Variants in CDKAL1 observed in about 807,000 individuals in gnomAD.
CDKAL1 encodes CDKAL1 threonylcarbamoyladenosine tRNA methylthiotransferase.
Under a neutral mutation model 68.2 loss-of-function variants are expected in CDKAL1, and 32 were observed. The ratio of observed to expected loss-of-function variants is 0.47; its 90% confidence interval spans 0.35 to 0.63. The LOEUF is 0.63. Among genes scored for constraint, CDKAL1 ranks in the 30% least tolerant of loss-of-function variants. The probability of loss-of-function intolerance (pLI) is 0.00; values close to 1 mark genes in which losing one functional copy is unlikely to be tolerated. For synonymous variants in CDKAL1, 234 were observed against 244.3 expected, an observed-to-expected ratio of 0.96 and a Z score of 0.39; for missense variants, 606 against 696.7, an observed-to-expected ratio of 0.87 and a Z score of 1.47.
intron 5 of CDKAL1, among the ~76,000 whole-genome samples, chr6:20,688,995 A>G (rs1562027352): frequency 6.6e-6 from 1 of 152,198 alleles, no homozygotes; most frequent in Non-Finnish European, 1.5e-5. Flanking sequence ...TCTCCCCTTC[A>G]GGAGGGACTA....
At chr6:20,902,370 T>A (rs1333542266) in intron 9 of CDKAL1, among the ~76,000 whole-genome samples, 2 of 149,016 alleles carry the variant, frequency 1.3e-5, no homozygotes, top group Non-Finnish European at 3.0e-5. Context: ...ATGTGTTTAT[T>A]GGGCCTTTAA....
chr6:20,746,668 C>T (rs1190740628), intron 6 of CDKAL1, among the ~76,000 whole-genome samples: 2 of 152,118 alleles, frequency 1.3e-5, no homozygotes, highest in African/African-American at 4.8e-5. Context: ...AACATCTGAA[C>T]ATATATTTGA....
At chr6:20,876,953 T>G in intron 9 of CDKAL1, among the ~76,000 whole-genome samples, 1 of 152,234 alleles carries the variant, frequency 6.6e-6, no homozygotes, top group East Asian at 1.9e-4. Context: ...AAATGCTAAC[T>G]AGAACCAGCT....
At chr6:20,561,228 G>C (rs1330650141) in intron 4 of CDKAL1, among the ~76,000 whole-genome samples, 1 of 151,922 alleles carries the variant, frequency 6.6e-6, no homozygotes, top group Non-Finnish European at 1.5e-5. Flanking sequence ...GATCACCTGA[G>C]GTCAGGAGTT....
rs572176283 is a variant in CDKAL1 at position 20,639,374 on chromosome 6, C to T, written c.287-9919C>T. Among the ~76,000 whole-genome samples the T allele has an allele frequency of 3.9e-5, 6 of 152,198 alleles. No individual in the cohort carries two copies. The East Asian group carries it at 1.2e-3, about 29-fold the overall frequency. On this transcript the variant is annotated intron_variant, in intron 4 of 15. Transcript: ENST00000274695. ...ACAGACACCACCACCATACAAAGGG[C>T]CAGTTCATACTCTTGAGAGTTTCAG...
chr6:20,704,056 T>C (rs1384564910), intron 5 of CDKAL1, among the ~76,000 whole-genome samples: 2 of 152,214 alleles, frequency 1.3e-5, no homozygotes, highest in Non-Finnish European at 2.9e-5. Flanking sequence ...AATTATTGAT[T>C]GTTTCAGGTA....
At chr6:20,566,271 G>A (rs1764457665) in intron 4 of CDKAL1, among the ~76,000 whole-genome samples, 2 of 152,114 alleles carry the variant, frequency 1.3e-5, no homozygotes, top group Non-Finnish European at 2.9e-5. Flanking sequence ...GTAATAATGT[G>A]CTAATTTATG....
chr6:21,011,836 G>A (rs539945124), intron 11 of CDKAL1, among the ~76,000 whole-genome samples: 1 of 152,094 alleles, frequency 6.6e-6, no homozygotes, highest in Admixed American at 6.5e-5. Flanking sequence ...ATAGGGAAAG[G>A]TTTTAACTAG....
chr6:20,736,028 G>A (rs762876887), intron 5 of CDKAL1, among the ~76,000 whole-genome samples: 55 of 152,244 alleles, frequency 3.6e-4, no homozygotes, highest in South Asian at 6.2e-4. Flanking sequence ...TCAGAGATTT[G>A]ATGGGCATTG....
At chr6:20,991,382 C>T (rs888911087) in intron 10 of CDKAL1, among the ~76,000 whole-genome samples, 9 of 152,048 alleles carry the variant, frequency 5.9e-5, no homozygotes, top group Non-Finnish European at 5.9e-5. Flanking sequence ...GACTTAATGT[C>T]ACTGAACTGT....
At chr6:20,962,576 G>A (rs190313372) in intron 10 of CDKAL1, among the ~76,000 whole-genome samples, 87 of 152,204 alleles carry the variant, frequency 5.7e-4, no homozygotes, top group African/African-American at 2.0e-3. Context: ...CAAAATAATA[G>A]CAAACTCAAT....
intron 5 of CDKAL1, among the ~76,000 whole-genome samples, chr6:20,725,794 A>G (rs1453862180): frequency 6.6e-6 from 1 of 151,266 alleles, no homozygotes; most frequent in Non-Finnish European, 1.5e-5. Context: ...AAAAAAAAAA[A>G]AAAAAAAAAA....
chr6:20,561,446 G>GA (rs55750789), intron 4 of CDKAL1, among the ~76,000 whole-genome samples: 37 of 79,650 alleles, frequency 4.6e-4, no homozygotes, highest in Admixed American at 6.7e-4. Context: ...TCTCAAAAAA[G>GA]AAAAAAAAAA....
At chr6:20,774,285 G>A (rs1415651627) in intron 7 of CDKAL1, among the ~76,000 whole-genome samples, 3 of 152,324 alleles carry the variant, frequency 2.0e-5, no homozygotes, top group South Asian at 4.1e-4. Flanking sequence ...ATACTCTAAA[G>A]CTCGTATGTG....
Position 20,600,784 on chromosome 6 carries a change from A to ATATATG in CDKAL1, c.287-48505_287-48504insTGTATA, listed in dbSNP as rs1561956275. On this transcript the variant is annotated intron_variant, in intron 4 of 15. Transcript: ENST00000274695. ...TATATATGTATACATATATATATATATATACACACACACACATGAATGATA... is the reference window on the plus strand; with the variant it reads ...TATATATGTATACATATATATATATATATATGTATACACACACACACATGAATGATA... Among the ~76,000 whole-genome samples, 38 of 148,406 alleles carry ATATATG rather than the reference A, an allele frequency of 2.6e-4. No homozygotes were observed. In the East Asian group the frequency reaches 4.7e-3, roughly 19 times the overall value.
intron 14 of CDKAL1, 140 bp from the exon 15 acceptor site, chr6:21,200,970 C>G: frequency 3.1e-6 from 2 of 649,676 alleles, no homozygotes; most frequent in Non-Finnish European, 5.0e-6. Flanking sequence ...TAATGTAAGA[C>G]GGTAAATAAT....
chr6:20,715,894 A>T (rs1337718539), intron 5 of CDKAL1, among the ~76,000 whole-genome samples: 2 of 152,188 alleles, frequency 1.3e-5, no homozygotes, highest in Admixed American at 1.3e-4. Flanking sequence ...TGGATCTGGG[A>T]TAGAATTTAC....
chr6:21,114,223 G>C (rs905506353), intron 13 of CDKAL1, among the ~76,000 whole-genome samples: 22 of 146,234 alleles, frequency 1.5e-4, no homozygotes, highest in African/African-American at 5.6e-4. Flanking sequence ...ACTCTGGCCT[G>C]GGCAACAGAG....
chr6:20,920,891 C>T (rs2150648777), intron 9 of CDKAL1, among the ~76,000 whole-genome samples: 1 of 152,252 alleles, frequency 6.6e-6, no homozygotes. Flanking sequence ...GCAGTGTTAC[C>T]TTAACAATAT....
Sources: allele counts gnomAD v4.1 joint callset (sites outside exome capture counted in the v4.1 genomes callset), GRCh38; gene constraint gnomAD v4.1.1; transcripts MANE v1.5; gene names NCBI Gene and HGNC (gene_info 2026-07-23, HGNC 2026-07-21).